SYNE4: variants seen among roughly 807,000 people sequenced by gnomAD.
SYNE4 encodes nesprin-4.
A neutral mutation model predicts 46.9 loss-of-function variants in SYNE4; 41 were observed. That is an observed-to-expected ratio of 0.87 (90% CI 0.68 to 1.13). The LOEUF is 1.13. Among genes scored for constraint, SYNE4 ranks in the 50% most tolerant of loss-of-function variants. SYNE4 has a pLI of 0.00. For missense variants in SYNE4, 492 were observed against 514.8 expected (o/e 0.96, Z 0.43); for synonymous variants, 221 against 219.5 (o/e 1.01, Z -0.06).
intron 2 of SYNE4, 138 bp from the exon 3 acceptor site, chr19:36,007,406 T>G: frequency 7.0e-7 from 1 of 1,427,154 alleles, no homozygotes; most frequent in Non-Finnish European, 9.2e-7. Context: ...TGCACCAGGA[T>G]GGCTCCCACT....
Position 36,005,331 on chromosome 19 carries a change from A to T in SYNE4, c.972+2T>A. On this transcript the variant is annotated splice_donor_variant, in intron 6 of 7. Coordinates refer to ENST00000324444, the MANE Select transcript of SYNE4 (RefSeq NM_001039876.3). LOFTEE classifies it high-confidence loss of function. ...GCTACACCTGGTTGAGAACTGGCTC[A>T]CCTGAGGCTTCCGGAGCAGGGAGTG... is the stretch of plus-strand genomic sequence containing the variant. 1 of 1,613,728 alleles carries T rather than the reference A, an allele frequency of 6.2e-7. No individual in the cohort carries two copies. The highest frequency in any genetic ancestry group is 8.5e-7 in the Non-Finnish European group (1 of 1,179,940).
chr19:36,007,288 G>A lies in SYNE4; in HGVS notation c.280-20C>T. 6.3e-7 allele frequency: 1 copy of A among 1,586,172 alleles called. No individual in the cohort carries two copies. On this transcript the variant is annotated intron_variant, in intron 2 of 7. Transcript: ENST00000324444. ...GGGGTGCTGGGGAACACAGGAGCCA[G>A]GTCAGGGCCAGTGGGCCAATCAAGA...
intron 2 of SYNE4, 131 bp downstream of exon 2, chr19:36,008,086 G>T: frequency 8.1e-7 from 1 of 1,231,992 alleles, no homozygotes; most frequent in East Asian, 3.0e-5. Flanking sequence ...CACTTTTCCA[G>T]AAGGTCCCTC....
rs1421303359 is a variant in SYNE4, at chr19:36,006,760, C to A, written c.608G>T (p.Ser203Ile). Residue 203 changes from serine (S) to isoleucine (I), a missense_variant, in exon 4 of 8, where the codon AGC becomes ATC. By Grantham distance (142) the Ser-to-Ile change is moderately radical. Transcript: ENST00000324444. ...CAAGATGGGCCCTACCAGGCTGTAG[C>A]TGACCAGCTGGGCCTGCAGCTGCCA... ...RLWQLQAQLV[S>I]YSLVFEEANT... is the part of the protein sequence containing the mutation. 6.2e-7 allele frequency: 1 copy of A among 1,609,834 alleles called. No homozygotes were observed. The highest frequency in any genetic ancestry group is 1.7e-5 in the Admixed American group (1 of 59,506).
In SYNE4 at chr19:36,003,420, C is replaced by T. The variant is rs375680624; in HGVS notation, c.1132G>A (p.Gly378Arg). 3.7e-5 allele frequency: 60 copies of T among 1,613,786 alleles called. No individual in the cohort carries two copies. The African/African-American group carries it at 6.1e-4, about 17-fold the overall frequency. ...VGAMFLLPAS[G>R]GPCCSHARIP... ...CGGGCATGAGAGCAGCAGGGGCCTC[C>T]TGACGCGGGCAGGAGAAACATGGCA... The change falls in exon 8 of 8, where the codon GGA becomes AGA. Residue 378 changes from glycine to arginine, a missense_variant. Transcript: ENST00000324444.
chr19:36,006,944 C>G lies in SYNE4; in HGVS notation c.424G>C (p.Ala142Pro). The change falls in exon 4 of 8, where the codon GCC becomes CCC. Residue 142 changes from alanine to proline, a missense_variant and splice_region_variant. Physicochemically the swap from Ala to Pro is conservative, Grantham distance 27. Transcript: ENST00000324444. ...LAQSGMVQLQ[A>P]LQVDLRGAAE... ...GCCCCTCGTAGGTCCACCTGGAGGGCCTGGGGACATATGGACATCACCCCA... is the reference window on the plus strand; with the variant it reads ...GCCCCTCGTAGGTCCACCTGGAGGGGCTGGGGACATATGGACATCACCCCA... The G allele has an allele frequency of 6.5e-7, 1 of 1,545,434 alleles. No individual in the cohort carries two copies. Among genetic ancestry groups the G allele is most frequent in the Non-Finnish European group, 8.7e-7 (1 of 1,144,280 alleles).
intron 6 of SYNE4, 28 bp from the exon 7 acceptor site, chr19:36,003,699 A>T (rs1456918385): frequency 1.2e-6 from 2 of 1,603,740 alleles, no homozygotes; most frequent in Non-Finnish European, 1.7e-6. Context: ...CCAGCAGCAG[A>T]ATGGATAGAA....
chr19:36,007,956 C>T (rs1205184684), intron 2 of SYNE4, among the ~76,000 whole-genome samples: 2 of 151,234 alleles, frequency 1.3e-5, no homozygotes, highest in South Asian at 2.1e-4. Flanking sequence ...ACCTGGGAGG[C>T]GGAGGTTGCA....
At position 36,006,888 on chromosome 19, in the gene SYNE4, A is replaced by G. The variant is rs1976870610; in HGVS notation, c.480T>C (p.Phe160=). The part of the protein sequence containing the change: ...AAERVEALLA[F]GEGLAQRSEP... Reference sequence around the variant, plus strand: ...CACTCCGCTGTGCCAGCCCCTCACCAAACGCTAGCAGCGCCTCCACACGCT... The same window carrying G: ...CACTCCGCTGTGCCAGCCCCTCACCGAACGCTAGCAGCGCCTCCACACGCT... Residue 160 remains phenylalanine, a synonymous_variant, in exon 4 of 8, where the codon TTT becomes TTC. Coordinates refer to ENST00000324444, the MANE Select transcript of SYNE4 (RefSeq NM_001039876.3). 6.4e-7 allele frequency: 1 copy of G among 1,562,968 alleles called. No homozygotes were observed. The highest frequency in any genetic ancestry group is 1.4e-5 in the African/African-American group (1 of 73,844).
chr19:36,008,642 C>T lies in SYNE4; in HGVS notation c.40G>A (p.Glu14Lys). The T allele has an allele frequency of 6.2e-7, 1 of 1,613,940 alleles. No homozygotes were observed. Among genetic ancestry groups the T allele is most frequent in the Non-Finnish European group, 8.5e-7 (1 of 1,179,904 alleles). ...GCTCCCGGTGGGTGGTTGAGGGGCT[C>T]TGAGCCAAGTCTAGGGCCCAGAGGC... ...SLPLGPRLGS[E>K]PLNHPPGAPR... The change falls in exon 1 of 8, where the codon GAG (glutamate) becomes AAG (lysine). Residue 14 changes from glutamate to lysine, a missense_variant. By Grantham distance (56) the Glu-to-Lys change is moderately conservative (BLOSUM62 1). Coordinates refer to ENST00000324444, the MANE Select transcript of SYNE4 (RefSeq NM_001039876.3).
At chr19:36,008,179 T>A (rs1599680191) in intron 2 of SYNE4, 38 bp downstream of exon 2, 1 of 1,577,068 alleles carries the variant, frequency 6.3e-7, no homozygotes, top group Non-Finnish European at 8.6e-7. Flanking sequence ...AGAGAGGAGG[T>A]GGGGCTGGCA....
chr19:36,007,073 C>CA, intron 3 of SYNE4, 52 bp downstream of exon 3: 2 of 1,571,786 alleles, frequency 1.3e-6, no homozygotes, highest in Non-Finnish European at 1.7e-6. Flanking sequence ...GGAAAGCTGG[C>CA]ACCCACTGCT....
At position 36,006,660 on chromosome 19, in the gene SYNE4, C is replaced by T. The variant is rs1425956650; in HGVS notation, c.630G>A (p.Glu210=). ...CCAAGTCCTGGTCCAGCGTGTTGGC[C>T]TCCTCGAACACCTGGGTCAAAGGAC... The part of the protein sequence containing the change: ...QLVSYSLVFE[E]ANTLDQDLEV... The change falls in exon 5 of 8, where the codon GAG becomes GAA. Residue 210 remains glutamate, a synonymous_variant. Coordinates refer to ENST00000324444, the MANE Select transcript of SYNE4 (RefSeq NM_001039876.3). 1 of 1,600,412 alleles carries T rather than the reference C, an allele frequency of 6.2e-7. No homozygotes were observed. The highest frequency in any genetic ancestry group is 8.5e-7 in the Non-Finnish European group (1 of 1,171,458).
At position 36,003,417 on chromosome 19, in the gene SYNE4, C is replaced by T. The variant is rs1976739822; in HGVS notation, c.1135G>A (p.Gly379Ser). ...GAMFLLPASG[G>S]PCCSHARIPR... Reference sequence around the variant, plus strand: ...ATTCGGGCATGAGAGCAGCAGGGGCCTCCTGACGCGGGCAGGAGAAACATG... The same window carrying T: ...ATTCGGGCATGAGAGCAGCAGGGGCTTCCTGACGCGGGCAGGAGAAACATG... The change falls in exon 8 of 8, where the codon GGC becomes AGC. Residue 379 changes from glycine to serine, a missense_variant. Coordinates refer to ENST00000324444, the MANE Select transcript of SYNE4 (RefSeq NM_001039876.3). 4 of 1,613,840 alleles carry T rather than the reference C, an allele frequency of 2.5e-6. No homozygotes were observed. Among genetic ancestry groups the T allele is most frequent in the Admixed American group, 3.3e-5 (2 of 59,940 alleles).
In SYNE4 at chr19:36,006,997, AG is replaced by A. The variant is rs1161737774; in HGVS notation, c.424-54del. 5.9e-6 allele frequency: 9 copies of A among 1,530,258 alleles called. 1 individual carries two copies. The Admixed American group carries it at 1.6e-4, about 27-fold the overall frequency. 94.8% of individuals were successfully genotyped at this position (1,530,258 alleles called of 1,614,324 possible). A position where few individuals can be genotyped will look rare whatever the true frequency, so the allele number is the denominator to read the frequency against. On this transcript the variant is annotated intron_variant, in intron 3 of 7. Coordinates refer to ENST00000324444, the MANE Select transcript of SYNE4 (RefSeq NM_001039876.3). The stretch of plus-strand genomic sequence containing the variant: ...CACACACCAGGGACCCAAAACCTGG[AG>A]TTACCCCCCTCCCCCATTTCCTATC...
intron 5 of SYNE4, chr19:36,006,183 T>A: frequency 4.1e-6 from 2 of 482,644 alleles, no homozygotes; most frequent in Non-Finnish European, 6.9e-6. Flanking sequence ...AGTCAGGAGG[T>A]GAGTGGGGCA....
chr19:36,008,758 C>T lies in SYNE4; in HGVS notation c.-77G>A. ...TTCCCTAGACAAGGGTGTCCCAGAG[C>T]TCCTCCGCTGGAGTCACCCGGGCCT... On this transcript the variant is annotated 5_prime_UTR_variant, in exon 1 of 8. Transcript: ENST00000324444. The T allele has an allele frequency of 6.7e-7, 1 of 1,495,660 alleles. No homozygotes were observed. Among genetic ancestry groups the T allele is most frequent in the Non-Finnish European group, 8.9e-7 (1 of 1,121,822 alleles). 92.6% of individuals were successfully genotyped at this position (1,495,660 alleles called of 1,614,324 possible). A position where few individuals can be genotyped will look rare whatever the true frequency, so the allele number is the denominator to read the frequency against.
At position 36,006,830 on chromosome 19, in the gene SYNE4, G is replaced by A. The variant is rs1410496166; in HGVS notation, c.538C>T (p.Leu180=). 2 of 1,602,100 alleles carry A rather than the reference G, an allele frequency of 1.2e-6. No individual in the cohort carries two copies. The highest frequency in any genetic ancestry group is 1.7e-6 in the Non-Finnish European group (2 of 1,175,622). ...PRAWAALEQI[L]RALGAYRDSI... is the part of the protein sequence containing the mutation. ...TCTCGGTAAGCTCCCAGGGCCCGCAGGATCTGCTCCAGGGCTGCCCAGGCC... is the reference window on the plus strand; with the variant it reads ...TCTCGGTAAGCTCCCAGGGCCCGCAAGATCTGCTCCAGGGCTGCCCAGGCC... The change falls in exon 4 of 8, where the codon CTG becomes TTG. Residue 180 remains leucine (L), a synonymous_variant. Coordinates refer to ENST00000324444, the MANE Select transcript of SYNE4 (RefSeq NM_001039876.3).
chr19:36,006,652 G>A lies in SYNE4; in HGVS notation c.638C>T (p.Thr213Met), dbSNP rs199916743. 8.4e-5 allele frequency: 134 copies of A among 1,603,300 alleles called. No individual in the cohort carries two copies. In the East Asian group the frequency reaches 9.2e-4, roughly 11 times the overall value. ...SYSLVFEEAN[T>M]LDQDLEVEGD... The stretch of plus-strand genomic sequence containing the variant: ...CTCGACCTCCAAGTCCTGGTCCAGC[G>A]TGTTGGCCTCCTCGAACACCTGGGT... The change falls in exon 5 of 8, where the codon ACG becomes ATG. Residue 213 changes from threonine to methionine, a missense_variant. By Grantham distance (81) the Thr-to-Met change is moderately conservative. Coordinates refer to ENST00000324444, the MANE Select transcript of SYNE4 (RefSeq NM_001039876.3).
Sources: allele counts gnomAD v4.1 joint callset (sites outside exome capture counted in the v4.1 genomes callset), GRCh38; gene constraint gnomAD v4.1.1; transcripts MANE v1.5; gene names NCBI Gene and HGNC (gene_info 2026-07-23, HGNC 2026-07-21).